SCN8A: variants seen among roughly 807,000 people sequenced by gnomAD.
SCN8A encodes the protein sodium voltage-gated channel alpha subunit 8.
SCN8A carries 30 observed loss-of-function variants against 184.1 expected under a neutral mutation model. The observed-to-expected ratio is 0.16, with a 90% CI of 0.12 to 0.22. The LOEUF (loss-of-function observed/expected upper bound fraction) is 0.22, where lower values mean the gene tolerates loss of function less well. Among genes scored for constraint, SCN8A ranks in the 10% least tolerant of loss-of-function variants. The pLI, the probability that SCN8A is intolerant of heterozygous loss-of-function variation, is 1.00. For missense variants in SCN8A, 1,057 were observed against 2,498.9 expected (o/e 0.42, Z 12.30); for synonymous variants, 852 against 907.0 (o/e 0.94, Z 1.09).
At chr12:51,677,778 C>A (rs574436040) in intron 2 of SCN8A, among the ~76,000 whole-genome samples, 4 of 152,286 alleles carry the variant, frequency 2.6e-5, no homozygotes, top group African/African-American at 9.6e-5. Flanking sequence ...ACTGTTCTGC[C>A]GCTCTTAATG....
intron 1 of SCN8A, among the ~76,000 whole-genome samples, chr12:51,649,888 CT>C (rs557156488): frequency 1.9e-4 from 29 of 152,150 alleles, no homozygotes; most frequent in Non-Finnish European, 3.5e-4. Flanking sequence ...ATGGGTTTTT[CT>C]TTTCTATCAC....
intron 12 of SCN8A, among the ~76,000 whole-genome samples, chr12:51,742,800 T>C (rs1295512016): frequency 1.3e-5 from 2 of 152,164 alleles, no homozygotes; most frequent in African/African-American, 4.8e-5. Context: ...TCCGTATCTC[T>C]TTCTCTACGT....
intron 1 of SCN8A, among the ~76,000 whole-genome samples, chr12:51,662,424 T>TATTACA (rs1243653361): frequency 6.6e-6 from 1 of 152,178 alleles, no homozygotes; most frequent in African/African-American, 2.4e-5. Context: ...AGCTAATATA[T>TATTACA]GCCCCTGGGT....
At chr12:51,621,240 A>G (rs1376915872) in intron 1 of SCN8A, among the ~76,000 whole-genome samples, 1 of 152,202 alleles carries the variant, frequency 6.6e-6, no homozygotes, top group African/African-American at 2.4e-5. Flanking sequence ...TCTGCTTAGT[A>G]TATAAAGCAA....
chr12:51,613,895 A>G (rs1183432619), intron 1 of SCN8A, among the ~76,000 whole-genome samples: 1 of 152,112 alleles, frequency 6.6e-6, no homozygotes, highest in Admixed American at 6.5e-5. Context: ...AGTTTATTCC[A>G]TTATGATTAG....
At chr12:51,697,535 C>G (rs1941615748) in intron 6 of SCN8A, among the ~76,000 whole-genome samples, 1 of 152,146 alleles carries the variant, frequency 6.6e-6, no homozygotes, top group South Asian at 2.1e-4. Flanking sequence ...GAATCATGTC[C>G]ATACCACCCA....
intron 11 of SCN8A, among the ~76,000 whole-genome samples, chr12:51,720,177 A>G (rs1406003958): frequency 6.6e-6 from 1 of 151,000 alleles, no homozygotes; most frequent in African/African-American, 2.4e-5. Context: ...CGGATATTAT[A>G]TAACTTACAG....
intron 1 of SCN8A, among the ~76,000 whole-genome samples, chr12:51,657,533 G>C (rs1024944911): frequency 6.6e-6 from 1 of 152,010 alleles, no homozygotes; most frequent in Non-Finnish European, 1.5e-5. Flanking sequence ...TTAATCCCTT[G>C]TCAGAGGAAT....
chr12:51,725,977 A>G (rs1942149382), intron 12 of SCN8A, among the ~76,000 whole-genome samples: 1 of 152,234 alleles, frequency 6.6e-6, no homozygotes, highest in African/African-American at 2.4e-5. Context: ...TAGTGCACGC[A>G]CTGGTCTCAC....
chr12:51,668,458 C>T (rs1244451565), intron 2 of SCN8A, among the ~76,000 whole-genome samples: 8 of 152,222 alleles, frequency 5.3e-5, no homozygotes, highest in Admixed American at 4.6e-4. Flanking sequence ...TTCTAGTTCC[C>T]CACTTTTCTA....
At chr12:51,710,454 C>T (rs1348648207) in intron 11 of SCN8A, among the ~76,000 whole-genome samples, 1 of 151,942 alleles carries the variant, frequency 6.6e-6, no homozygotes, top group Non-Finnish European at 1.5e-5. Flanking sequence ...CATTTGAGGC[C>T]AGGAGTTCAA....
chr12:51,745,781 T>G lies in SCN8A; in HGVS notation c.1999-122T>G, dbSNP rs948830583. 1.1e-5 allele frequency: 8 copies of G among 712,398 alleles called. No individual in the cohort carries two copies. The African/African-American group carries it at 1.4e-4, about 13-fold the overall frequency. 44.1% of individuals were successfully genotyped at this position (712,398 alleles called of 1,614,324 possible). A position where few individuals can be genotyped will look rare whatever the true frequency, so the allele number is the denominator to read the frequency against. On this transcript the variant is annotated intron_variant, in intron 12 of 26. Coordinates refer to ENST00000627620, the MANE Select transcript of SCN8A (RefSeq NM_001330260.2). Reference sequence around the variant, plus strand: ...TTCTACTTCTTGAAGTGAATAGGACTGTAGGATCAAAGTTAAAGACTGTAA... The same window carrying G: ...TTCTACTTCTTGAAGTGAATAGGACGGTAGGATCAAAGTTAAAGACTGTAA...
chr12:51,710,409 A>G lies in SCN8A; in HGVS notation c.1635+3694A>G, dbSNP rs150055932. 3.0e-3 allele frequency among the ~76,000 whole-genome samples: 450 copies of G among 152,260 alleles called. 1 individual carries two copies. The highest frequency in any genetic ancestry group is 0.011 in the African/African-American group (441 of 41,544). On this transcript the variant is annotated intron_variant, in intron 11 of 26. Transcript: ENST00000627620. ...GGCCAGCACAGTGGCTCACACCTGT[A>G]ATCCCAGCACTTTGGGAGGCCAAGG...
At chr12:51,604,622 C>T (rs1939544395) in intron 1 of SCN8A, among the ~76,000 whole-genome samples, 2 of 152,066 alleles carry the variant, frequency 1.3e-5, no homozygotes, top group South Asian at 4.2e-4. Context: ...CTCCGCCTCC[C>T]CTTCAAGCAA....
chr12:51,728,782 A>G (rs1942194904), intron 12 of SCN8A, among the ~76,000 whole-genome samples: 1 of 151,226 alleles, frequency 6.6e-6, no homozygotes, highest in Admixed American at 6.6e-5. Context: ...TTGATTCATA[A>G]CTGACAGCTT....
intron 12 of SCN8A, among the ~76,000 whole-genome samples, chr12:51,731,246 C>CTTCT (rs1246562470): frequency 2.0e-5 from 3 of 146,768 alleles, no homozygotes; most frequent in African/African-American, 7.4e-5. Context: ...TTTTCTTCTT[C>CTTCT]TTTTTTTTTT....
At chr12:51,756,569 G>A (rs1242806836) in intron 14 of SCN8A, among the ~76,000 whole-genome samples, 1 of 152,226 alleles carries the variant, frequency 6.6e-6, no homozygotes, top group Non-Finnish European at 1.5e-5. Context: ...CCACACTTGG[G>A]CCTCAACACC....
intron 1 of SCN8A, among the ~76,000 whole-genome samples, chr12:51,630,596 G>T (rs1592340255): frequency 6.6e-6 from 1 of 152,174 alleles, no homozygotes; most frequent in East Asian, 1.9e-4. Context: ...ATTGTAAAAT[G>T]ATTTTAAAAA....
At chr12:51,630,182 A>G (rs1940168681) in intron 1 of SCN8A, among the ~76,000 whole-genome samples, 2 of 152,076 alleles carry the variant, frequency 1.3e-5, no homozygotes, top group Non-Finnish European at 2.9e-5. Context: ...ATACATTCAC[A>G]TTGTTATGTA....
Sources: allele counts gnomAD v4.1 joint callset (sites outside exome capture counted in the v4.1 genomes callset), GRCh38; gene constraint gnomAD v4.1.1; transcripts MANE v1.5; gene names NCBI Gene and HGNC (gene_info 2026-07-23, HGNC 2026-07-21).